TCF4: variants seen among roughly 807,000 people sequenced by gnomAD.
The protein encoded by TCF4 is SL3-3 enhancer factor 2.
Under a neutral mutation model 82.1 loss-of-function variants are expected in TCF4, and 3 were observed. The ratio of observed to expected loss-of-function variants is 0.04; its 90% CI spans 0.02 to 0.09. TCF4 has a LOEUF of 0.09. TCF4 is among the 10% of genes least tolerant of loss of function. The probability of loss-of-function intolerance (pLI) is 1.00; values close to 1 mark genes in which losing one functional copy is unlikely to be tolerated. For synonymous variants in TCF4, 276 were observed against 309.6 expected (o/e 0.89, Z 1.14); for missense variants, 518 against 852.7 (o/e 0.61, Z 4.89).
intron 3 of TCF4, among the ~76,000 whole-genome samples, chr18:55,498,388 T>C (rs1156569686): frequency 1.3e-5 from 2 of 152,210 alleles, no homozygotes; most frequent in African/African-American, 4.8e-5. Flanking sequence ...CCAGGGTTTC[T>C]GCCATACCAG....
rs768725871 is a variant in TCF4, at chr18:55,599,492, G to A, written c.287-12356C>T. ...TCCCAGCACTTTGGGAGGCCGAGGCGGGCAGATCACTTGAGGCCAGGAGTT... is the reference window on the plus strand; with the variant it reads ...TCCCAGCACTTTGGGAGGCCGAGGCAGGCAGATCACTTGAGGCCAGGAGTT... On this transcript the variant is annotated intron_variant, in intron 2 of 20. Coordinates refer to the TCF4 transcript ENST00000398339. 1.1e-4 allele frequency among the ~76,000 whole-genome samples: 16 copies of A among 152,154 alleles called. 1 individual carries two copies. The highest frequency in any genetic ancestry group is 2.2e-4 in the Non-Finnish European group (15 of 68,038).
rs674019 is a variant in TCF4 at position 55,537,994 on chromosome 18, T to C, written c.145+47286A>G. Among the ~76,000 whole-genome samples, 237 of 151,638 alleles carry C rather than the reference T, an allele frequency of 1.6e-3. 1 individual carries two copies. Among genetic ancestry groups the C allele is most frequent in the African/African-American group, 5.6e-3 (232 of 41,296 alleles). ...AGTTATCCTGTCATTGGCCTTTGTTTGCTAGTCTGGATTTTGCTAGTCTGC... is the reference window on the plus strand; with the variant it reads ...AGTTATCCTGTCATTGGCCTTTGTTCGCTAGTCTGGATTTTGCTAGTCTGC... On this transcript the variant is annotated intron_variant, in intron 3 of 19. Transcript: ENST00000354452.
chr18:55,354,173 T>G (rs770920767), intron 6 of TCF4, among the ~76,000 whole-genome samples: 1 of 152,188 alleles, frequency 6.6e-6, no homozygotes, highest in Non-Finnish European at 1.5e-5. Context: ...CCTAAAATAC[T>G]GTAACCAAAG....
chr18:55,547,027 C>G (rs937332596), intron 3 of TCF4: 2 of 152,234 alleles, frequency 1.3e-5, no homozygotes, highest in Non-Finnish European at 2.9e-5. Context: ...GAGGAGAAAA[C>G]ATTCTCCAAA....
intron 6 of TCF4, among the ~76,000 whole-genome samples, chr18:55,365,191 A>ATATATATGTGTGTGTG (rs1361444592): frequency 2.0e-5 from 2 of 97,946 alleles, no homozygotes; most frequent in African/African-American, 1.0e-4. Context: ...ATATATATAT[A>ATATATATGTGTGTGTG]TGTGTGTGTG....
At chr18:55,419,714 A>C (rs1257682818) in intron 5 of TCF4, among the ~76,000 whole-genome samples, 1 of 152,184 alleles carries the variant, frequency 6.6e-6, no homozygotes, top group Non-Finnish European at 1.5e-5. Context: ...GCAAATATTT[A>C]GGTTGCTTTG....
chr18:55,530,170 T>C (rs1210469513), intron 3 of TCF4, among the ~76,000 whole-genome samples: 1 of 152,126 alleles, frequency 6.6e-6, no homozygotes, highest in Admixed American at 6.6e-5. Context: ...TGAACGGCAA[T>C]TGTGGATCTG....
intron 15 of TCF4, among the ~76,000 whole-genome samples, chr18:55,249,035 G>A (rs1163839120): frequency 4.6e-5 from 7 of 152,108 alleles, no homozygotes; most frequent in South Asian, 2.1e-4. Context: ...GTGAGCCACC[G>A]TGTCCAGCCT....
In TCF4 at chr18:55,270,817, T is replaced by C. The variant is rs149148646; in HGVS notation, c.790-854A>G. 3.2e-4 allele frequency among the ~76,000 whole-genome samples: 49 copies of C among 152,234 alleles called. No homozygotes were observed. The East Asian group carries it at 9.5e-3, about 29-fold the overall frequency. ...CTTGGGAATGAACAGCTCACTAAAA[T>C]GGACATAGTAATTTACAAAAAAGTG... On this transcript the variant is annotated intron_variant, in intron 10 of 19. Transcript: ENST00000354452.
intron 6 of TCF4, among the ~76,000 whole-genome samples, chr18:55,365,211 A>G (rs189301575): frequency 0.016 from 1,911 of 121,152 alleles, 39 homozygotes; most frequent in South Asian, 0.05. Context: ...GTGTGTGTGT[A>G]TATATATGTG....
intron 3 of TCF4, among the ~76,000 whole-genome samples, chr18:55,569,670 T>G (rs1322822619): frequency 6.6e-6 from 1 of 151,832 alleles, no homozygotes; most frequent in Non-Finnish European, 1.5e-5. Context: ...GAAGAATAAA[T>G]CATCAGAAAA....
intron 3 of TCF4, among the ~76,000 whole-genome samples, chr18:55,489,387 G>C (rs1163294463): frequency 6.6e-6 from 1 of 152,064 alleles, no homozygotes; most frequent in Non-Finnish European, 1.5e-5. Flanking sequence ...TGGGAGGCAC[G>C]TTGCCTACAA....
chr18:55,312,327 C>T (rs547448144), intron 8 of TCF4, among the ~76,000 whole-genome samples: 4 of 152,246 alleles, frequency 2.6e-5, no homozygotes, highest in African/African-American at 9.6e-5. Context: ...AATGGATCTT[C>T]AACATGAAGA....
intron 2 of TCF4, among the ~76,000 whole-genome samples, chr18:55,619,465 G>A (rs769304536): frequency 6.6e-6 from 1 of 152,030 alleles, no homozygotes; most frequent in South Asian, 2.1e-4. Context: ...TTCTATTTCA[G>A]TATATTCAAG....
chr18:55,347,478 T>C (rs2081439586), intron 8 of TCF4, among the ~76,000 whole-genome samples: 1 of 152,172 alleles, frequency 6.6e-6, no homozygotes, highest in African/African-American at 2.4e-5. Flanking sequence ...ACTTCCACAG[T>C]GACGTGAGGT....
chr18:55,250,460 T>C (rs556122089), intron 15 of TCF4, among the ~76,000 whole-genome samples: 23 of 152,348 alleles, frequency 1.5e-4, no homozygotes, highest in African/African-American at 4.8e-4. Flanking sequence ...GGTGTTCTCA[T>C]AGATAATCTC....
intron 8 of TCF4, chr18:55,321,972 G>T (rs2075603639): frequency 1.5e-6 from 2 of 1,308,848 alleles, no homozygotes; most frequent in Non-Finnish European, 1.9e-6. Flanking sequence ...CCCTGATGGA[G>T]CTCGAAATCC....
At chr18:55,482,273 T>C (rs1017502220) in intron 3 of TCF4, 6 of 152,176 alleles carry the variant, frequency 3.9e-5, no homozygotes, top group Admixed American at 3.3e-4. Context: ...AAGAGCAAAA[T>C]TCCTGCTGAA....
Position 55,631,800 on chromosome 18 carries a change from A to G in TCF4, c.196-412T>C, listed in dbSNP as rs1300597911. Reference sequence around the variant, plus strand: ...GATTTGCAGTTGTTCCAAAACTTGCATAACCAACCTCGTTGCATCCCTCAG... The same window carrying G: ...GATTTGCAGTTGTTCCAAAACTTGCGTAACCAACCTCGTTGCATCCCTCAG... On this transcript the variant is annotated intron_variant, in intron 1 of 20. Coordinates refer to the TCF4 transcript ENST00000398339. Among the ~76,000 whole-genome samples, 3 of 152,326 alleles carry G rather than the reference A, an allele frequency of 2.0e-5. No individual in the cohort carries two copies. In the East Asian group the frequency reaches 5.8e-4, roughly 29 times the overall value.
Sources: gnomAD v4.1 joint callset for allele counts (sites outside exome capture counted in the v4.1 genomes callset) on GRCh38, gnomAD v4.1.1 for gene constraint, MANE v1.5 for transcripts, NCBI Gene and HGNC (gene_info 2026-07-23, HGNC 2026-07-21) for gene names.